Variants in SNTG1 observed in about 807,000 individuals in gnomAD.
SNTG1 encodes gamma-1-syntrophin.
In SNTG1, 39 loss-of-function variants were observed where a neutral mutation model predicts 74.7. The ratio of observed to expected loss-of-function variants is 0.52; its 90% confidence interval spans 0.40 to 0.68. SNTG1 has a LOEUF of 0.68. SNTG1 is among the 30% of genes least tolerant of loss of function. The pLI is 0.00. For missense variants in SNTG1, 685 were observed against 609.5 expected (o/e 1.12, Z -1.30); for synonymous variants, 254 against 217.1 (o/e 1.17, Z -1.49).
chr8:50,206,095 T>C (rs1420964451), intron 2 of SNTG1, among the ~76,000 whole-genome samples: 1 of 152,218 alleles, frequency 6.6e-6, no homozygotes, highest in African/African-American at 2.4e-5. Context: ...TTTTTTCCGA[T>C]TCTGTGAAGA....
chr8:50,716,102 C>T (rs2095474334), intron 17 of SNTG1, among the ~76,000 whole-genome samples: 1 of 152,122 alleles, frequency 6.6e-6, no homozygotes, highest in Admixed American at 6.5e-5. Flanking sequence ...TGCACACATA[C>T]ACACACTTTA....
intron 2 of SNTG1, among the ~76,000 whole-genome samples, chr8:50,226,487 G>C (rs931396229): frequency 6.6e-6 from 1 of 152,054 alleles, no homozygotes; most frequent in Admixed American, 6.6e-5. Context: ...GATCTGAATA[G>C]GAAACATTTG....
intron 8 of SNTG1, among the ~76,000 whole-genome samples, chr8:50,498,578 A>G (rs2093924271): frequency 6.6e-6 from 1 of 151,920 alleles, no homozygotes; most frequent in Non-Finnish European, 1.5e-5. Flanking sequence ...ATAGAAAAGA[A>G]TGGTTCAATT....
In SNTG1 at chr8:50,726,854, AC is replaced by A. The variant is rs1342887764; in HGVS notation, c.1284+17877del. Among the ~76,000 whole-genome samples, 137 of 152,238 alleles carry A rather than the reference AC, an allele frequency of 9.0e-4. 2 individuals carry two copies. The highest frequency in any genetic ancestry group is 6.8e-3 in the Middle Eastern group (2 of 294). On this transcript the variant is annotated intron_variant, in intron 17 of 18. Coordinates refer to ENST00000642720, the MANE Select transcript of SNTG1 (RefSeq NM_018967.5). ...ACAGAGTGAGACTCTGTCTCAAAAA[AC>A]AATAAAATAAAGTAAAATAAAATAA...
intron 1 of SNTG1, among the ~76,000 whole-genome samples, chr8:49,968,348 A>G (rs757296735): frequency 1.3e-5 from 2 of 152,136 alleles, no homozygotes; most frequent in Non-Finnish European, 2.9e-5. Flanking sequence ...GTCTCATGTA[A>G]AGATCATTAA....
intron 1 of SNTG1, among the ~76,000 whole-genome samples, chr8:50,126,421 T>C (rs1397286602): frequency 6.6e-6 from 1 of 152,016 alleles, no homozygotes; most frequent in Non-Finnish European, 1.5e-5. Context: ...GTAATGTACA[T>C]AAAATTGATT....
At chr8:50,549,083 T>C (rs1393105657) in intron 11 of SNTG1, among the ~76,000 whole-genome samples, 2 of 152,280 alleles carry the variant, frequency 1.3e-5, no homozygotes, top group South Asian at 2.1e-4. Flanking sequence ...AGGACTTCTT[T>C]AGGGAATGAC....
chr8:50,035,813 C>A (rs1046390297), intron 1 of SNTG1, among the ~76,000 whole-genome samples: 1 of 152,104 alleles, frequency 6.6e-6, no homozygotes, highest in Non-Finnish European at 1.5e-5. Context: ...ACACACAAAT[C>A]CGACAGCATG....
intron 1 of SNTG1, among the ~76,000 whole-genome samples, chr8:50,118,531 G>GGTGTTTCC: frequency 6.9e-6 from 1 of 144,106 alleles, no homozygotes; most frequent in East Asian, 2.0e-4. Flanking sequence ...CAAAGAGGAT[G>GGTGTTTCC]TTAGTTATTG....
At chr8:49,982,744 T>G (rs1412904710) in intron 1 of SNTG1, among the ~76,000 whole-genome samples, 1 of 152,024 alleles carries the variant, frequency 6.6e-6, no homozygotes, top group Non-Finnish European at 1.5e-5. Context: ...TAACCTAGTA[T>G]AGTTTAGATC....
intron 1 of SNTG1, among the ~76,000 whole-genome samples, chr8:50,071,035 G>A (rs140311362): frequency 1.1e-4 from 16 of 152,222 alleles, no homozygotes; most frequent in South Asian, 2.1e-4. Flanking sequence ...GAAACTATCC[G>A]TGTTCTAAGG....
At chr8:49,935,837 T>G (rs1808033961) in intron 1 of SNTG1, among the ~76,000 whole-genome samples, 1 of 152,182 alleles carries the variant, frequency 6.6e-6, no homozygotes, top group South Asian at 2.1e-4. Flanking sequence ...TCTTTCAAAT[T>G]TGTATCCTAA....
chr8:50,784,112 C>T (rs1487175188), intron 18 of SNTG1, among the ~76,000 whole-genome samples: 1 of 152,128 alleles, frequency 6.6e-6, no homozygotes, highest in Non-Finnish European at 1.5e-5. Context: ...GTAGGAGATC[C>T]AGTTCGCCAG....
chr8:49,975,309 A>G (rs1812086950), intron 1 of SNTG1, among the ~76,000 whole-genome samples: 1 of 152,180 alleles, frequency 6.6e-6, no homozygotes, highest in African/African-American at 2.4e-5. Flanking sequence ...GCTGGATAAA[A>G]GGATTTCTGG....
chr8:50,160,092 G>A (rs16914346), intron 1 of SNTG1, among the ~76,000 whole-genome samples: 1 of 151,914 alleles, frequency 6.6e-6, no homozygotes, highest in South Asian at 2.1e-4. Flanking sequence ...GTGTTTGTTG[G>A]TTTTTCTAAT....
intron 2 of SNTG1, among the ~76,000 whole-genome samples, chr8:50,173,759 T>C (rs1207152075): frequency 1.3e-5 from 2 of 152,194 alleles, no homozygotes; most frequent in Non-Finnish European, 2.9e-5. Context: ...GGGTTGCTAA[T>C]AGATTGATTT....
intron 4 of SNTG1, among the ~76,000 whole-genome samples, chr8:50,426,894 A>T (rs2093170473): frequency 1.3e-5 from 2 of 152,204 alleles, no homozygotes; most frequent in African/African-American, 2.4e-5. Context: ...ATACAGCAAT[A>T]TGGTATAACA....
In SNTG1 at chr8:50,251,648, T is replaced by C. The variant is rs141991354; in HGVS notation, c.-28+79013T>C. 2.3e-4 allele frequency among the ~76,000 whole-genome samples: 35 copies of C among 152,042 alleles called. No homozygotes were observed. The East Asian group carries it at 5.0e-3, about 22-fold the overall frequency. On this transcript the variant is annotated intron_variant, in intron 2 of 18. Transcript: ENST00000642720. The stretch of plus-strand genomic sequence containing the variant: ...ACAAAGGATATTATTATATAATAAT[T>C]ACATAACTAACTCAACAAGAATTTA...
chr8:50,709,374 T>A (rs2095455141), intron 17 of SNTG1, among the ~76,000 whole-genome samples: 1 of 150,560 alleles, frequency 6.6e-6, no homozygotes, highest in African/African-American at 2.5e-5. Context: ...AAAGAAAACA[T>A]GTTGTTTTTT....
Sources: gnomAD v4.1 joint callset for allele counts (sites outside exome capture counted in the v4.1 genomes callset) on GRCh38, gnomAD v4.1.1 for gene constraint, MANE v1.5 for transcripts, NCBI Gene and HGNC (gene_info 2026-07-23, HGNC 2026-07-21) for gene names.